The following SLC25A25 variants were observed in gnomAD, a reference collection of about 807,000 sequenced individuals.
The protein encoded by SLC25A25 is solute carrier family 25 member 25.
In SLC25A25, 32 loss-of-function variants were observed where a neutral mutation model predicts 57.7. The ratio of observed to expected loss-of-function variants is 0.55; its 90% CI spans 0.42 to 0.74. The LOEUF is 0.74. Among genes scored for constraint, SLC25A25 ranks in the 30% least tolerant of loss-of-function variants. The pLI is 0.00. For missense variants in SLC25A25, 556 were observed against 701.3 expected (o/e 0.79, Z 2.34); for synonymous variants, 306 against 291.2 (o/e 1.05, Z -0.52).
At chr9:128,087,086 G>A (rs1470360965) in intron 1 of SLC25A25, among the ~76,000 whole-genome samples, 2 of 151,798 alleles carry the variant, frequency 1.3e-5, no homozygotes, top group African/African-American at 4.8e-5. Flanking sequence ...ATGGTGGCGG[G>A]TGCCTGTAAT....
chr9:128,069,485 C>T (rs1326752105), intron 1 of SLC25A25, among the ~76,000 whole-genome samples: 1 of 152,074 alleles, frequency 6.6e-6, no homozygotes, highest in Non-Finnish European at 1.5e-5. Flanking sequence ...ACCTAAGAAC[C>T]TGTTTCACTG....
chr9:128,082,962 G>T (rs1404345229), intron 1 of SLC25A25, among the ~76,000 whole-genome samples: 1 of 151,936 alleles, frequency 6.6e-6, no homozygotes, highest in South Asian at 2.1e-4. Context: ...GGGCGCAGTG[G>T]CTCAGCCTGT....
rs1464336790 is a variant in SLC25A25, at chr9:128,103,239, G to A, written c.625-442G>A. On this transcript the variant is annotated intron_variant, in intron 5 of 10. Transcript: ENST00000373069. The surrounding 1 kb of genome is among the most constrained non-coding windows in gnomAD (Gnocchi z 6.7). The stretch of plus-strand genomic sequence containing the variant: ...CCCGGAGAAAGGTTACGCAGGCAGC[G>A]AGCCCTCGTGTTTGCTGAGGCGTTG... Among the ~76,000 whole-genome samples, 1 of 152,208 alleles carries A rather than the reference G, an allele frequency of 6.6e-6. No homozygotes were observed.
chr9:128,107,953 T>C lies in SLC25A25; in HGVS notation c.*509T>C. On this transcript the variant is annotated 3_prime_UTR_variant, in exon 11 of 11. Coordinates refer to ENST00000373069, the MANE Select transcript of SLC25A25 (RefSeq NM_001330988.2). ...ATCCATGATGAAAGGTGAGGTCACGTGGCCTCCCAGGCCTGACTTCCCAAC... is the reference window on the plus strand; with the variant it reads ...ATCCATGATGAAAGGTGAGGTCACGCGGCCTCCCAGGCCTGACTTCCCAAC... The C allele has an allele frequency of 2.5e-6, 1 of 399,136 alleles. No individual in the cohort carries two copies. The highest frequency in any genetic ancestry group is 4.4e-6 in the Non-Finnish European group (1 of 226,438). The allele number at this position is 399,136 out of a possible 1,614,324, so 24.7% of individuals were successfully genotyped here. A position where few individuals can be genotyped will look rare whatever the true frequency, so the allele number is the denominator to read the frequency against.
intron 1 of SLC25A25, chr9:128,094,419 C>G (rs527286051): frequency 2.6e-5 from 4 of 152,318 alleles, no homozygotes; most frequent in African/African-American, 9.6e-5. Context: ...CTCGGAAGCA[C>G]AGAGAATTTT....
intron 1 of SLC25A25, among the ~76,000 whole-genome samples, chr9:128,083,218 A>T (rs1420808121): frequency 7.0e-6 from 1 of 141,862 alleles, no homozygotes; most frequent in Non-Finnish European, 1.5e-5. Flanking sequence ...ACAGAGTGAG[A>T]CTCCGTCTCA....
At chr9:128,094,765 G>A (rs1307305389) in intron 1 of SLC25A25, among the ~76,000 whole-genome samples, 1 of 152,204 alleles carries the variant, frequency 6.6e-6, no homozygotes, top group Non-Finnish European at 1.5e-5. Flanking sequence ...TAACATAGTG[G>A]TAGAACAAGG....
intron 1 of SLC25A25, among the ~76,000 whole-genome samples, chr9:128,096,934 C>G (rs772984826): frequency 1.2e-4 from 19 of 152,232 alleles, no homozygotes; most frequent in Non-Finnish European, 2.5e-4. Context: ...AGCCCAAGAC[C>G]TGTTCTCACA....
At chr9:128,091,853 C>A in intron 1 of SLC25A25, 1 of 1,596,268 alleles carries the variant, frequency 6.3e-7, no homozygotes, top group Non-Finnish European at 8.5e-7. Context: ...CCATCAGAGG[C>A]GTTTGGAGGA....
At chr9:128,091,867 C>T (rs745980061) in intron 1 of SLC25A25, 19 of 1,606,192 alleles carry the variant, frequency 1.2e-5, no homozygotes, top group East Asian at 1.1e-4. Context: ...TGGAGGAGAC[C>T]GTGATGTTGC....
Position 128,092,097 on chromosome 9 carries a change from T to C in SLC25A25, c.262-8999T>C, listed in dbSNP as rs187991219. ...GCAGAGCAGTTTCCTAAGGTAATGT[T>C]GGCCTCAAGAGGACCTCCTAGTTTA... On this transcript the variant is annotated intron_variant, in intron 1 of 10. Coordinates refer to ENST00000373069, the MANE Select transcript of SLC25A25 (RefSeq NM_001330988.2). 670 of 1,611,964 alleles carry C rather than the reference T, an allele frequency of 4.2e-4. 2 individuals carry two copies. In the African/African-American group the frequency reaches 7.9e-3, roughly 19 times the overall value.
chr9:128,099,028 G>A lies in SLC25A25; in HGVS notation c.262-2068G>A, dbSNP rs1833677155. 1 of 985,294 alleles carries A rather than the reference G, an allele frequency of 1.0e-6. No individual in the cohort carries two copies. Among genetic ancestry groups the A allele is most frequent in the South Asian group, 4.7e-5 (1 of 21,292 alleles). The allele number at this position is 985,294 out of a possible 1,614,324, so 61.0% of individuals were successfully genotyped here. ...CCTGAGAAGTACAGAGCCAGAAAGG[G>A]ACCTGGGGGGCAGGCCAGTAGTGCA... On this transcript the variant is annotated intron_variant, in intron 1 of 10. Coordinates refer to ENST00000373069, the MANE Select transcript of SLC25A25 (RefSeq NM_001330988.2). The surrounding 1 kb of genome is among the most constrained non-coding windows in gnomAD (Gnocchi z 6.8).
At chr9:128,076,746 G>A (rs1394571463) in intron 1 of SLC25A25, among the ~76,000 whole-genome samples, 2 of 152,158 alleles carry the variant, frequency 1.3e-5, no homozygotes, top group South Asian at 2.1e-4. Context: ...GGGATTACAG[G>A]CGTGAGCCAC....
rs771315173 is a variant in SLC25A25 at position 128,105,887 on chromosome 9, G to T, written c.936+6G>T. On this transcript the variant is annotated splice_donor_region_variant and intron_variant, in intron 7 of 10. Transcript: ENST00000373069. Reference sequence around the variant, plus strand: ...AATTCATGGCCTATGAGCAGGTGAGGACCCAGCTCCTCAGGAGGGTCACCG... The same window carrying T: ...AATTCATGGCCTATGAGCAGGTGAGTACCCAGCTCCTCAGGAGGGTCACCG... The T allele has an allele frequency of 6.2e-7, 1 of 1,613,418 alleles. No individual in the cohort carries two copies. Among genetic ancestry groups the T allele is most frequent in the Non-Finnish European group, 8.5e-7 (1 of 1,179,584 alleles).
Position 128,083,506 on chromosome 9 carries a change from C to T in SLC25A25, c.261+14926C>T, listed in dbSNP as rs377524584. ...GAGTGTTAATATTTCTTTTTTTTTTCTTTTTTCTTTTTTTTTTTTTTGAGA... is the reference window on the plus strand; with the variant it reads ...GAGTGTTAATATTTCTTTTTTTTTTTTTTTTTCTTTTTTTTTTTTTTGAGA... On this transcript the variant is annotated intron_variant, in intron 1 of 10. Coordinates refer to ENST00000373069, the MANE Select transcript of SLC25A25 (RefSeq NM_001330988.2). Among the ~76,000 whole-genome samples, 12 of 65,414 alleles carry T rather than the reference C, an allele frequency of 1.8e-4. 1 individual carries two copies. Among genetic ancestry groups the T allele is most frequent in the East Asian group, 5.3e-4 (1 of 1,894 alleles). The allele number at this position is 65,414 out of a possible 152,430, so 42.9% of individuals were successfully genotyped here.
chr9:128,094,727 C>A (rs529997317), intron 1 of SLC25A25, among the ~76,000 whole-genome samples: 4 of 152,296 alleles, frequency 2.6e-5, no homozygotes, highest in South Asian at 2.1e-4. Flanking sequence ...CCGGCCTTTA[C>A]CTGAAGCACC....
intron 1 of SLC25A25, among the ~76,000 whole-genome samples, chr9:128,097,140 G>A (rs1017301567): frequency 1.3e-5 from 2 of 152,160 alleles, no homozygotes; most frequent in Non-Finnish European, 2.9e-5. Flanking sequence ...TATCCATCCC[G>A]GTAGTGGGAA....
In SLC25A25 at chr9:128,091,847, C is replaced by T. The variant is rs116557267; in HGVS notation, c.262-9249C>T. ...TCCCTCAAAAGTGAACAGTCGCCAT[C>T]AGAGGCGTTTGGAGGAGACCGTGAT... On this transcript the variant is annotated intron_variant, in intron 1 of 10. Coordinates refer to ENST00000373069, the MANE Select transcript of SLC25A25 (RefSeq NM_001330988.2). 5.9e-3 allele frequency: 9,355 copies of T among 1,589,498 alleles called. 42 individuals are homozygous for T. Among genetic ancestry groups the T allele is most frequent in the Middle Eastern group, 0.014 (66 of 4,624 alleles).
intron 1 of SLC25A25, chr9:128,098,305 G>A (rs1290697430): frequency 4.2e-5 from 16 of 377,136 alleles, no homozygotes; most frequent in Middle Eastern, 7.9e-4. Flanking sequence ...GGGAGGGAGC[G>A]GTGACGTCAG....
Sources: gnomAD v4.1 joint callset for allele counts (sites outside exome capture counted in the v4.1 genomes callset) on GRCh38, gnomAD v4.1.1 for gene constraint, Gnocchi (gnomAD v3.1) non-coding constraint, MANE v1.5 for transcripts, NCBI Gene and HGNC (gene_info 2026-07-23, HGNC 2026-07-21) for gene names.